The following FNDC7 variants were observed in gnomAD, a reference collection of about 807,000 sequenced individuals.
The protein encoded by FNDC7 is fibronectin type III domain-containing protein 7.
In FNDC7, 66 loss-of-function variants were observed where a neutral mutation model predicts 74.2. That is an observed-to-expected ratio of 0.89 (90% CI 0.73 to 1.09). The LOEUF (loss-of-function observed/expected upper bound fraction) is 1.09. FNDC7 is among the 50% of genes least tolerant of loss of function. The probability of loss-of-function intolerance (pLI) is 0.00; values close to 1 mark genes in which losing one functional copy is unlikely to be tolerated. For missense variants in FNDC7, 829 were observed against 893.4 expected (o/e 0.93, Z 0.92); for synonymous variants, 307 against 330.2 (o/e 0.93, Z 0.76).
At chr1:108,733,880 C>T (rs1661452388) in intron 10 of FNDC7, among the ~76,000 whole-genome samples, 3 of 151,906 alleles carry the variant, frequency 2.0e-5, no homozygotes, top group African/African-American at 4.8e-5. Flanking sequence ...GAACTCCTGA[C>T]CTCAGGTGAT....
chr1:108,726,609 A>G (rs1570729742), intron 6 of FNDC7, among the ~76,000 whole-genome samples: 1 of 152,214 alleles, frequency 6.6e-6, no homozygotes, highest in Non-Finnish European at 1.5e-5. Context: ...TGCTGTTGCT[A>G]TTATTCTCCT....
In FNDC7 at chr1:108,716,111, C is replaced by T. The variant is rs151090765; in HGVS notation, c.83-1666C>T. On this transcript the variant is annotated intron_variant, in intron 2 of 12. Coordinates refer to ENST00000370017, the MANE Select transcript of FNDC7 (RefSeq NM_001144937.3). ...CTTTTAGATGCCTTTCAAACTGCTC[C>T]GTGAATGCATGATCCGGCCTCCTGT... Among the ~76,000 whole-genome samples the T allele has an allele frequency of 8.8e-3, 1,343 of 152,204 alleles. 18 individuals carry two copies. The highest frequency in any genetic ancestry group is 0.03 in the African/African-American group (1,264 of 41,524).
At position 108,728,707 on chromosome 1, in the gene FNDC7, A is replaced by G; in HGVS notation, c.1445A>G (p.Asn482Ser). The change falls in exon 8 of 13, where the codon AAT (asparagine) becomes AGT (serine). Residue 482 changes from asparagine to serine, a missense_variant. By Grantham distance (46) the Asn-to-Ser change is conservative (BLOSUM62 1). Transcript: ENST00000370017. ...SMINVHWRST[N>S]DDATYTVTAQ... ...ATTAATGTGCACTGGCGATCCACTA[A>G]TGATGATGCTACTTACACGGTGACT... 6.2e-7 allele frequency: 1 copy of G among 1,614,288 alleles called. No homozygotes were observed. Among genetic ancestry groups the G allele is most frequent in the Non-Finnish European group, 8.5e-7 (1 of 1,180,048 alleles).
At chr1:108,721,641 C>T (rs945265314) in intron 4 of FNDC7, among the ~76,000 whole-genome samples, 1 of 152,122 alleles carries the variant, frequency 6.6e-6, no homozygotes, top group Non-Finnish European at 1.5e-5. Context: ...GCCAGGACAC[C>T]TTCTTACGCT....
At chr1:108,726,094 A>G in intron 6 of FNDC7, 90 bp downstream of exon 6, 1 of 1,429,316 alleles carries the variant, frequency 7.0e-7, no homozygotes. Context: ...TTGACTTACC[A>G]CCTGGGAGTC....
chr1:108,723,708 T>C (rs1323122708), intron 5 of FNDC7, among the ~76,000 whole-genome samples: 1 of 152,212 alleles, frequency 6.6e-6, no homozygotes, highest in Admixed American at 6.5e-5. Context: ...GTTACGCAGT[T>C]AGGCATTTAA....
intron 11 of FNDC7, among the ~76,000 whole-genome samples, chr1:108,739,491 G>A (rs1217707384): frequency 6.6e-6 from 1 of 152,214 alleles, no homozygotes; most frequent in Non-Finnish European, 1.5e-5. Context: ...CTGGGTGACA[G>A]AGTGAGACAC....
chr1:108,713,136 A>G, intron 1 of FNDC7, 140 bp downstream of exon 1: 1 of 713,824 alleles, frequency 1.4e-6, no homozygotes, highest in Non-Finnish European at 2.3e-6. Context: ...GAGGTTGTAT[A>G]TGTTTGCGTG....
intron 11 of FNDC7, among the ~76,000 whole-genome samples, chr1:108,741,339 T>A (rs1294691667): frequency 6.6e-6 from 1 of 152,138 alleles, no homozygotes; most frequent in African/African-American, 2.4e-5. Context: ...CCAACATGTT[T>A]CAGTGTCACC....
In FNDC7 at chr1:108,727,828, A is replaced by T. The variant is rs763141937; in HGVS notation, c.1132A>T (p.Ile378Phe). 2 of 1,614,022 alleles carry T rather than the reference A, an allele frequency of 1.2e-6. No homozygotes were observed. Among genetic ancestry groups the T allele is most frequent in the Admixed American group, 1.7e-5 (1 of 60,000 alleles). ...TTCAGCTCCCTGTTGTCCTAGTGAC[A>T]TTAACCCCGTGTTGGTGTCCAGTGA... ...YTTAPCCPSD[I>F]NPVLVSSDRV... Residue 378 changes from isoleucine (I) to phenylalanine (F), a missense_variant, in exon 7 of 13, where the codon ATT (isoleucine) becomes TTT (phenylalanine). Physicochemically the swap from Ile to Phe is conservative, Grantham distance 21 (BLOSUM62 0). Transcript: ENST00000370017.
At chr1:108,725,654 T>C in intron 5 of FNDC7, 96 bp from the exon 6 acceptor site, 10 of 1,317,056 alleles carry the variant, frequency 7.6e-6, no homozygotes, top group Non-Finnish European at 1.0e-5. Context: ...AAGCTCAGAG[T>C]TGCTAATTTG....
chr1:108,719,471 T>C (rs538786867), intron 4 of FNDC7, among the ~76,000 whole-genome samples: 2 of 152,316 alleles, frequency 1.3e-5, no homozygotes, highest in East Asian at 1.9e-4. Context: ...GAGCTGGCAT[T>C]GTTCTAGAGA....
At chr1:108,731,372 A>G (rs1049960733) in intron 9 of FNDC7, among the ~76,000 whole-genome samples, 2 of 152,246 alleles carry the variant, frequency 1.3e-5, no homozygotes, top group Non-Finnish European at 1.5e-5. Context: ...GAGCAAAGAC[A>G]TCTGTCTACT....
At chr1:108,739,843 T>A (rs987053450) in intron 11 of FNDC7, among the ~76,000 whole-genome samples, 3 of 152,098 alleles carry the variant, frequency 2.0e-5, no homozygotes, top group African/African-American at 7.2e-5. Context: ...GGCTCAGTCT[T>A]TAGCCTGAAA....
rs1661441294 is a variant in FNDC7 at position 108,733,459 on chromosome 1, A to G, written c.2067A>G (p.Val689=). The change falls in exon 10 of 13, where the codon GTA becomes GTG. Residue 689 remains valine (V), a synonymous_variant. Coordinates refer to ENST00000370017, the MANE Select transcript of FNDC7 (RefSeq NM_001144937.3). ...CDVTEIPCGD[V]YTVMVSPVAK... ...TCACTGAGATACCCTGTGGGGATGT[A>G]TACACTGTGATGGTCTCACCAGTTG... 6.2e-7 allele frequency: 1 copy of G among 1,614,132 alleles called. No homozygotes were observed. The highest frequency in any genetic ancestry group is 1.6e-4 in the Middle Eastern group (1 of 6,062).
chr1:108,733,120 T>C, intron 9 of FNDC7, 152 bp from the exon 10 acceptor site: 1 of 919,596 alleles, frequency 1.1e-6, no homozygotes. Context: ...ATAACTCGAG[T>C]ACCCCTTCAA....
chr1:108,730,536 A>G, intron 8 of FNDC7, 138 bp from the exon 9 acceptor site: 6 of 1,002,222 alleles, frequency 6.0e-6, no homozygotes, highest in Non-Finnish European at 8.5e-6. Flanking sequence ...ACAAAAGGAA[A>G]TTTTTTATTA....
Position 108,722,200 on chromosome 1 carries a change from A to C in FNDC7, c.599-135A>C, listed in dbSNP as rs180866102. On this transcript the variant is annotated intron_variant, in intron 4 of 12. Coordinates refer to ENST00000370017, the MANE Select transcript of FNDC7 (RefSeq NM_001144937.3). ...GTTCCCAGGCATCATCCTAAATCCC[A>C]ATTTTATGCTTTGAACACTTGTAAT... is the stretch of plus-strand genomic sequence containing the variant. 178 of 895,408 alleles carry C rather than the reference A, an allele frequency of 2.0e-4. No homozygotes were observed. In the African/African-American group the frequency reaches 2.5e-3, roughly 13 times the overall value. 55.5% of individuals were successfully genotyped at this position (895,408 alleles called of 1,614,324 possible).
At chr1:108,728,408 C>T (rs537820520) in intron 7 of FNDC7, among the ~76,000 whole-genome samples, 15 of 152,162 alleles carry the variant, frequency 9.9e-5, no homozygotes, top group Non-Finnish European at 1.9e-4. Flanking sequence ...TTGGAGTTCA[C>T]AATGCTTTTA....
Sources: gnomAD v4.1 joint callset for allele counts (sites outside exome capture counted in the v4.1 genomes callset) on GRCh38, gnomAD v4.1.1 for gene constraint, MANE v1.5 for transcripts, NCBI Gene and HGNC (gene_info 2026-07-23, HGNC 2026-07-21) for gene names.